The following CSTA variants were observed in gnomAD, a reference collection of about 807,000 sequenced individuals.
CSTA encodes the protein cystatin-A.
In CSTA, 9 loss-of-function variants were observed where a neutral mutation model predicts 9.2. The observed-to-expected ratio is 0.97, with a 90% CI of 0.59 to 1.70. The LOEUF is 1.70. Ranked by LOEUF, CSTA falls within the 40% of genes most tolerant of loss-of-function variation. The pLI is 0.00. For synonymous variants in CSTA, 36 were observed against 40.6 expected (o/e 0.89, Z 0.43); for missense variants, 118 against 113.1 (o/e 1.04, Z -0.20).
In CSTA at chr3:122,325,350, G is replaced by C. The variant is rs778366890; in HGVS notation, c.58G>C (p.Val20Leu). ...KPATPEIQEI[V>L]DKVKPQLEEK... ...CGCCACTCCAGAAATCCAGGAGATT[G>C]TTGATAAGGTGAGTTGATGCCATTC... Residue 20 changes from valine to leucine, a missense_variant, in exon 1 of 3, where the codon GTT becomes CTT. Val to Leu is a conservative substitution (Grantham distance 32). Coordinates refer to ENST00000264474, the MANE Select transcript of CSTA (RefSeq NM_005213.4). The C allele has an allele frequency of 3.7e-6, 6 of 1,614,058 alleles. No individual in the cohort carries two copies. The highest frequency in any genetic ancestry group is 1.3e-5 in the African/African-American group (1 of 74,938).
chr3:122,340,623 G>T (rs576290430), intron 2 of CSTA, among the ~76,000 whole-genome samples: 76 of 152,288 alleles, frequency 5.0e-4, no homozygotes, highest in African/African-American at 1.8e-3. Context: ...ACTTTAGAAG[G>T]GAGGGTGTCC....
At chr3:122,337,879 T>C (rs2075244433) in intron 2 of CSTA, 1 of 518,480 alleles carries the variant, frequency 1.9e-6, no homozygotes, top group Non-Finnish European at 3.5e-6. Flanking sequence ...TTCTGGAAAT[T>C]GTATAGAAAA....
At chr3:122,337,304 C>G (rs750924568) in intron 1 of CSTA, among the ~76,000 whole-genome samples, 3 of 152,104 alleles carry the variant, frequency 2.0e-5, no homozygotes, top group African/African-American at 7.2e-5. Flanking sequence ...GCAGTCAAAA[C>G]GCTCCTATAT....
Position 122,341,876 on chromosome 3 carries a change from C to A in CSTA, c.*309C>A. ...ATAGGCAGGCTGGATCGTGGACTAT[C>A]AATTCACCAGCCTCCTTGTTCCCTG... On this transcript the variant is annotated 3_prime_UTR_variant, in exon 3 of 3. Transcript: ENST00000264474. 2.8e-6 allele frequency: 1 copy of A among 358,636 alleles called. No homozygotes were observed. The highest frequency in any genetic ancestry group is 5.3e-6 in the Non-Finnish European group (1 of 188,904). The allele number at this position is 358,636 out of a possible 1,614,324, so 22.2% of individuals were successfully genotyped here.
chr3:122,331,868 G>A (rs1371980769), intron 1 of CSTA, among the ~76,000 whole-genome samples: 2 of 152,108 alleles, frequency 1.3e-5, no homozygotes, highest in Non-Finnish European at 2.9e-5. Context: ...TGGTACCTTT[G>A]TGGAAGGCAA....
chr3:122,332,361 G>A (rs2075209880), intron 1 of CSTA, among the ~76,000 whole-genome samples: 1 of 152,042 alleles, frequency 6.6e-6, no homozygotes, highest in Admixed American at 6.6e-5. Context: ...GACAATAAAT[G>A]TCCACAAGTC....
chr3:122,333,540 G>GAAGAAAGAAAAGAAAGAAGAAAGA lies in CSTA; in HGVS notation c.67-3997_67-3996insAGAAAGAAGAAAGAAAGAAAGAAA, dbSNP rs1460272182. Among the ~76,000 whole-genome samples, 181 of 112,166 alleles carry GAAGAAAGAAAAGAAAGAAGAAAGA rather than the reference G, an allele frequency of 1.6e-3. 2 individuals carry two copies. In the East Asian group the frequency reaches 0.017, roughly 11 times the overall value. 73.6% of individuals were successfully genotyped at this position (112,166 alleles called of 152,430 possible). ...AGAGAGAAGAAAGAAAGAAAAGAAA[G>GAAGAAAGAAAAGAAAGAAGAAAGA]AAGAAAGAAAGAAAGAAAGAAAGAA... is the stretch of plus-strand genomic sequence containing the variant. On this transcript the variant is annotated intron_variant, in intron 1 of 2. Transcript: ENST00000264474.
At chr3:122,328,679 C>T (rs984164087) in intron 1 of CSTA, among the ~76,000 whole-genome samples, 6 of 151,464 alleles carry the variant, frequency 4.0e-5, no homozygotes, top group Non-Finnish European at 7.4e-5. Flanking sequence ...ACCAGCCTCA[C>T]AGTTAAGTCC....
intron 1 of CSTA, among the ~76,000 whole-genome samples, chr3:122,332,235 C>G (rs956893030): frequency 1.3e-5 from 2 of 152,138 alleles, no homozygotes; most frequent in Non-Finnish European, 2.9e-5. Flanking sequence ...TCTCATTCCT[C>G]CCTAGACTCT....
intron 1 of CSTA, among the ~76,000 whole-genome samples, chr3:122,336,947 C>T (rs1478667768): frequency 6.6e-6 from 1 of 152,000 alleles, no homozygotes; most frequent in Non-Finnish European, 1.5e-5. Flanking sequence ...AGGAATGAAC[C>T]CAGATTGTAG....
intron 2 of CSTA, among the ~76,000 whole-genome samples, chr3:122,339,309 T>G (rs1345390830): frequency 6.6e-6 from 1 of 152,208 alleles, no homozygotes; most frequent in Non-Finnish European, 1.5e-5. Context: ...GGAAATTTAT[T>G]GAGCACTTAT....
intron 1 of CSTA, among the ~76,000 whole-genome samples, chr3:122,333,679 GAAGA>G (rs144238288): frequency 0.12 from 17,029 of 146,860 alleles, 1,302 homozygotes; most frequent in Middle Eastern, 0.24. Context: ...AAGAAAGAAA[GAAGA>G]AAGAAAGAGA....
intron 1 of CSTA, among the ~76,000 whole-genome samples, chr3:122,333,723 A>T (rs2075220939): frequency 9.8e-6 from 1 of 101,930 alleles, no homozygotes; most frequent in Non-Finnish European, 2.2e-5. Flanking sequence ...AAAGAAAGAG[A>T]AAGAAAGAAA....
At chr3:122,326,376 G>A (rs577055027) in intron 1 of CSTA, among the ~76,000 whole-genome samples, 3 of 152,266 alleles carry the variant, frequency 2.0e-5, no homozygotes, top group East Asian at 1.9e-4. Flanking sequence ...TAGCTATGTA[G>A]TAAACATTTA....
At position 122,331,685 on chromosome 3, in the gene CSTA, G is replaced by T. The variant is rs772201557; in HGVS notation, c.67-5862G>T. ...CCTGTGGATTAATGCTTAACAACCC[G>T]GACAGGACCCAGGGCTGCCAGAACA... On this transcript the variant is annotated intron_variant, in intron 1 of 2. Transcript: ENST00000264474. 2.0e-5 allele frequency among the ~76,000 whole-genome samples: 3 copies of T among 152,102 alleles called. No individual in the cohort carries two copies. In the South Asian group the frequency reaches 6.2e-4, roughly 32 times the overall value.
Position 122,337,637 on chromosome 3 carries a change from T to C in CSTA, c.157T>C (p.Tyr53His), listed in dbSNP as rs1448459675. Residue 53 changes from tyrosine (Y) to histidine (H), a missense_variant, in exon 2 of 3, where the codon TAC (tyrosine) becomes CAC (histidine). Coordinates refer to ENST00000264474, the MANE Select transcript of CSTA (RefSeq NM_005213.4). ...YKTQVVAGTN[Y>H]YIKVRAGDNK... ...AACTCAAGTTGTTGCTGGAACAAATTACTACATTAAGGTTAGAGTTCAGCA... is the reference window on the plus strand; with the variant it reads ...AACTCAAGTTGTTGCTGGAACAAATCACTACATTAAGGTTAGAGTTCAGCA... 6.2e-7 allele frequency: 1 copy of C among 1,604,358 alleles called. No homozygotes were observed. The highest frequency in any genetic ancestry group is 8.5e-7 in the Non-Finnish European group (1 of 1,171,122).
intron 1 of CSTA, among the ~76,000 whole-genome samples, chr3:122,328,845 G>A (rs1437336730): frequency 1.3e-5 from 2 of 151,870 alleles, no homozygotes; most frequent in Admixed American, 6.6e-5. Context: ...GGAGGCTGAG[G>A]CAGGAGAATT....
intron 2 of CSTA, among the ~76,000 whole-genome samples, chr3:122,341,027 C>T (rs2075262765): frequency 6.6e-6 from 1 of 151,704 alleles, no homozygotes; most frequent in African/African-American, 2.4e-5. Flanking sequence ...CTGCAACCTT[C>T]TCCTCCTGGG....
intron 1 of CSTA, among the ~76,000 whole-genome samples, chr3:122,331,652 A>G (rs2075205467): frequency 6.6e-6 from 1 of 152,182 alleles, no homozygotes; most frequent in Non-Finnish European, 1.5e-5. Context: ...AAAACTCACC[A>G]TTACAAACCT....
Sources: allele counts gnomAD v4.1 joint callset (sites outside exome capture counted in the v4.1 genomes callset), GRCh38; gene constraint gnomAD v4.1.1; transcripts MANE v1.5; gene names NCBI Gene and HGNC (gene_info 2026-07-23, HGNC 2026-07-21).